ADGB: variants seen among roughly 807,000 people sequenced by gnomAD.
ADGB encodes the protein calpain-7-like protein.
In ADGB, 172 loss-of-function variants were observed where a neutral mutation model predicts 210.5. The observed-to-expected ratio is 0.82, with a 90% CI of 0.72 to 0.93. The LOEUF is 0.93. Among genes scored for constraint, ADGB ranks in the 40% least tolerant of loss-of-function variants. The probability of loss-of-function intolerance (pLI) is 0.00; values close to 1 mark genes in which losing one functional copy is unlikely to be tolerated. For missense variants in ADGB, 2,025 were observed against 1,964.8 expected, an observed-to-expected ratio of 1.03 and a Z score of -0.58; for synonymous variants, 658 against 662.7, an observed-to-expected ratio of 0.99 and a Z score of 0.11.
rs545243453 is a variant in ADGB at position 146,665,486 on chromosome 6, T to C, written c.752+1146T>C. Among the ~76,000 whole-genome samples the C allele has an allele frequency of 3.1e-4, 47 of 152,154 alleles. No individual in the cohort carries two copies. The East Asian group carries it at 8.9e-3, about 29-fold the overall frequency. ...TTCATACCGGTGGCATGTTCATTTA[T>C]TTGGGAAAAAAAAATGTTCTGAATG... On this transcript the variant is annotated intron_variant, in intron 6 of 35. Transcript: ENST00000397944.
chr6:146,628,305 C>G (rs1275880177), intron 1 of ADGB, among the ~76,000 whole-genome samples: 4 of 151,818 alleles, frequency 2.6e-5, no homozygotes, highest in Non-Finnish European at 4.4e-5. Context: ...ACTTTCAGAT[C>G]TGATGAAAAT....
At chr6:146,684,208 C>T (rs1002479542) in intron 9 of ADGB, among the ~76,000 whole-genome samples, 4 of 152,082 alleles carry the variant, frequency 2.6e-5, no homozygotes, top group Non-Finnish European at 5.9e-5. Context: ...ACTGCTTAAT[C>T]TTGAACCTGG....
chr6:146,812,847 C>G (rs1562308790), intron 35 of ADGB, among the ~76,000 whole-genome samples: 1 of 152,150 alleles, frequency 6.6e-6, no homozygotes, highest in East Asian at 1.9e-4. Flanking sequence ...GACAGTGAAG[C>G]TTTTTGCCTT....
intron 1 of ADGB, among the ~76,000 whole-genome samples, chr6:146,617,152 A>C (rs1474052657): frequency 6.6e-6 from 1 of 151,770 alleles, no homozygotes; most frequent in African/African-American, 2.4e-5. Flanking sequence ...CTTTGTAGAG[A>C]TCATTCACTT....
chr6:146,782,024 T>C lies in ADGB; in HGVS notation c.3867T>C (p.Tyr1289=), dbSNP rs1382692599. Residue 1289 remains tyrosine, a synonymous_variant, in exon 30 of 36, where the codon TAT becomes TAC. Coordinates refer to ENST00000397944, the MANE Select transcript of ADGB (RefSeq NM_024694.4). ...TTTATTTTTATGTCTCTCTAGCTTA[T>C]GGTGAAAGACACGAGGAGTTAATTA... ...KDLKKSNTKA[Y]GERHEELINL... 11 of 1,483,534 alleles carry C rather than the reference T, an allele frequency of 7.4e-6. No individual in the cohort carries two copies. The highest frequency in any genetic ancestry group is 1.4e-5 in the South Asian group (1 of 69,566). The allele number at this position is 1,483,534 out of a possible 1,614,324, so 91.9% of individuals were successfully genotyped here.
intron 25 of ADGB, among the ~76,000 whole-genome samples, 168 bp downstream of exon 25, chr6:146,741,439 A>T (rs902573368): frequency 6.6e-6 from 1 of 152,160 alleles, no homozygotes; most frequent in Non-Finnish European, 1.5e-5. Context: ...AGGAGATATT[A>T]AATGTAAGTG....
chr6:146,687,457 C>T (rs984570832), intron 10 of ADGB, among the ~76,000 whole-genome samples: 1 of 151,938 alleles, frequency 6.6e-6, no homozygotes, highest in Non-Finnish European at 1.5e-5. Flanking sequence ...CGGAATACTA[C>T]GCAGCCATAA....
chr6:146,601,623 A>G (rs545428841), intron 1 of ADGB, among the ~76,000 whole-genome samples: 1 of 152,260 alleles, frequency 6.6e-6, no homozygotes, highest in Admixed American at 6.5e-5. Context: ...ATTTTACCAC[A>G]CCTTGTGTTT....
At chr6:146,704,648 A>G (rs1187353603) in intron 13 of ADGB, among the ~76,000 whole-genome samples, 2 of 151,934 alleles carry the variant, frequency 1.3e-5, no homozygotes, top group African/African-American at 4.8e-5. Flanking sequence ...CCATTGGTCT[A>G]TTTTTATGGT....
intron 16 of ADGB, among the ~76,000 whole-genome samples, chr6:146,720,247 C>T (rs1279935156): frequency 6.6e-6 from 1 of 152,066 alleles, no homozygotes; most frequent in African/African-American, 2.4e-5. Flanking sequence ...GCTCTACCTA[C>T]TTTTTTCTCT....
chr6:146,758,240 A>T (rs534694975), intron 27 of ADGB, among the ~76,000 whole-genome samples: 1 of 152,172 alleles, frequency 6.6e-6, no homozygotes, highest in East Asian at 1.9e-4. Context: ...TGCTGTTTTT[A>T]ACTCTTTAAA....
intron 10 of ADGB, among the ~76,000 whole-genome samples, chr6:146,690,720 A>T (rs899994473): frequency 7.2e-5 from 11 of 152,222 alleles, no homozygotes; most frequent in Non-Finnish European, 1.3e-4. Context: ...AGTAGTATTT[A>T]AAAAAATTAG....
intron 1 of ADGB, among the ~76,000 whole-genome samples, chr6:146,601,882 T>C (rs1478588350): frequency 1.3e-5 from 2 of 152,218 alleles, no homozygotes; most frequent in East Asian, 1.9e-4. Context: ...GCTCATAGTT[T>C]TGTTATCCAC....
chr6:146,787,430 T>G (rs1777888127), intron 32 of ADGB, among the ~76,000 whole-genome samples: 2 of 152,210 alleles, frequency 1.3e-5, no homozygotes, highest in African/African-American at 4.8e-5. Flanking sequence ...ACTATTTAGT[T>G]ATTTTATTTC....
At chr6:146,634,558 A>G (rs1047614823) in intron 1 of ADGB, among the ~76,000 whole-genome samples, 9 of 152,080 alleles carry the variant, frequency 5.9e-5, no homozygotes, top group African/African-American at 2.2e-4. Flanking sequence ...AATGAACAAA[A>G]AGTAGCATTC....
chr6:146,644,271 A>C (rs947956416), intron 2 of ADGB, among the ~76,000 whole-genome samples: 1 of 151,914 alleles, frequency 6.6e-6, no homozygotes, highest in Admixed American at 6.6e-5. Flanking sequence ...AATTATCTTA[A>C]AGGAAAGAAA....
intron 1 of ADGB, among the ~76,000 whole-genome samples, chr6:146,616,108 T>C (rs1445887684): frequency 2.6e-5 from 4 of 152,150 alleles, no homozygotes; most frequent in Non-Finnish European, 5.9e-5. Flanking sequence ...CAGTCATTTT[T>C]AACTGAGGGT....
At position 146,700,964 on chromosome 6, in the gene ADGB, A is replaced by G. The variant is rs763848587; in HGVS notation, c.1601A>G (p.Lys534Arg). 1.3e-6 allele frequency: 2 copies of G among 1,550,822 alleles called. No individual in the cohort carries two copies. Among genetic ancestry groups the G allele is most frequent in the African/African-American group, 2.7e-5 (2 of 72,980 alleles). The change falls in exon 13 of 36, where the codon AAG becomes AGG. Residue 534 changes from lysine to arginine, a missense_variant. Lys to Arg is a conservative substitution (Grantham distance 26). Coordinates refer to ENST00000397944, the MANE Select transcript of ADGB (RefSeq NM_024694.4). ...AGGCATTTTGTGCGCTCCTTAATTA[A>G]GAAAGGAATACCTCCAGGATCTGAT... ...TEMHFVRSLIKKGIPPGSDLP... is the reference protein window; with the variant it reads ...TEMHFVRSLIRKGIPPGSDLP...
At chr6:146,662,277 A>G (rs1775871619) in intron 5 of ADGB, among the ~76,000 whole-genome samples, 1 of 151,898 alleles carries the variant, frequency 6.6e-6, no homozygotes, top group Admixed American at 6.6e-5. Flanking sequence ...CATGAATATT[A>G]TATCTTTTTG....
Sources: gnomAD v4.1 joint callset for allele counts (sites outside exome capture counted in the v4.1 genomes callset) on GRCh38, gnomAD v4.1.1 for gene constraint, MANE v1.5 for transcripts, NCBI Gene and HGNC (gene_info 2026-07-23, HGNC 2026-07-21) for gene names.